The following TEX46 variants were observed in gnomAD, a reference collection of about 807,000 sequenced individuals.
TEX46 encodes the protein testis-expressed protein 46.
In TEX46, 6 loss-of-function variants were observed where a neutral mutation model predicts 5.3. The ratio of observed to expected loss-of-function variants is 1.13; its 90% CI spans 0.62 to 2.23. The LOEUF is 2.23. Among genes scored for constraint, TEX46 ranks in the 30% most tolerant of loss-of-function variants. TEX46 has a pLI of 0.00. For synonymous variants in TEX46, 41 were observed against 54.6 expected, an observed-to-expected ratio of 0.75 and a Z score of 1.10; for missense variants, 131 against 150.9, an observed-to-expected ratio of 0.87 and a Z score of 0.69.
At chr1:23,011,688 G>T (rs1641353332) in intron 2 of TEX46, among the ~76,000 whole-genome samples, 1 of 152,216 alleles carries the variant, frequency 6.6e-6, no homozygotes, top group Admixed American at 6.5e-5. Flanking sequence ...GCCTCCCAAG[G>T]TGCTGGGATT....
chr1:23,011,235 G>A, intron 2 of TEX46, 134 bp from the exon 3 acceptor site: 1 of 647,692 alleles, frequency 1.5e-6, no homozygotes, highest in South Asian at 1.9e-5. Context: ...AAAGGGGAAA[G>A]TTGGTTAATA....
rs961108533 is a variant in TEX46, at chr1:23,010,839, T to C, written c.*62A>G. On this transcript the variant is annotated 3_prime_UTR_variant, in exon 3 of 3. Transcript: ENST00000566855. ...GACTTACTATGAACATTCAATAGGC[T>C]GTGACTGGGTTTTACTGAGGTAAAA... 3.4e-5 allele frequency: 43 copies of C among 1,283,520 alleles called. No homozygotes were observed. Among genetic ancestry groups the C allele is most frequent in the Non-Finnish European group, 4.2e-5 (39 of 933,746 alleles). The allele number at this position is 1,283,520 out of a possible 1,614,324, so 79.5% of individuals were successfully genotyped here. A position where few individuals can be genotyped will look rare whatever the true frequency, so the allele number is the denominator to read the frequency against.
chr1:23,015,243 C>G (rs575503380), intron 1 of TEX46, among the ~76,000 whole-genome samples: 1 of 150,662 alleles, frequency 6.6e-6, no homozygotes, highest in Non-Finnish European at 1.5e-5. Context: ...CCAGACCAGA[C>G]TGGCCAACAT....
In TEX46 at chr1:23,014,061, A is replaced by C; in HGVS notation, c.3-16T>G. The C allele has an allele frequency of 1.3e-6, 2 of 1,534,302 alleles. No individual in the cohort carries two copies. Among genetic ancestry groups the C allele is most frequent in the South Asian group, 2.4e-5 (2 of 83,844 alleles). On this transcript the variant is annotated splice_polypyrimidine_tract_variant and intron_variant, in intron 1 of 2. Coordinates refer to ENST00000566855, the MANE Select transcript of TEX46 (RefSeq NM_001242521.2). Reference sequence around the variant, plus strand: ...ATGGAGACTCCTAAAGAGAAATATCAGTTCTGCCAGCATTATGGCGTGGAG... The same window carrying C: ...ATGGAGACTCCTAAAGAGAAATATCCGTTCTGCCAGCATTATGGCGTGGAG...
At chr1:23,014,200 A>C in intron 1 of TEX46, 155 bp from the exon 2 acceptor site, 1 of 1,313,478 alleles carries the variant, frequency 7.6e-7, no homozygotes, top group Non-Finnish European at 9.9e-7. Context: ...CATAACAATA[A>C]TAATAACTCC....
chr1:23,013,726 C>G (rs1641383275), intron 2 of TEX46, among the ~76,000 whole-genome samples, 157 bp downstream of exon 2: 1 of 151,960 alleles, frequency 6.6e-6, no homozygotes, highest in East Asian at 1.9e-4. Flanking sequence ...TTACCCAGCA[C>G]CACCTAAGAG....
chr1:23,014,088 C>A (rs1447488006), intron 1 of TEX46, 43 bp from the exon 2 acceptor site: 2 of 1,523,782 alleles, frequency 1.3e-6, no homozygotes, highest in South Asian at 2.4e-5. Context: ...GGCGTGGAGG[C>A]ACACAGGCCC....
chr1:23,013,533 C>A (rs1367479999), intron 2 of TEX46, among the ~76,000 whole-genome samples: 1 of 152,160 alleles, frequency 6.6e-6, no homozygotes, highest in Admixed American at 6.5e-5. Flanking sequence ...CTGCTGTCTT[C>A]ATTATTCTAT....
rs75846551 is a variant in TEX46 at position 23,011,129 on chromosome 1, A to G, written c.166-28T>C. On this transcript the variant is annotated intron_variant, in intron 2 of 2. Transcript: ENST00000566855. ...GGAGGGCAAAGCAGGCATGCGTTCT[A>G]TTGACTTCTTTTGTGTTCACGGCCT... The G allele has an allele frequency of 2.1e-3, 3,172 of 1,519,494 alleles. 66 individuals are homozygous for G. In the African/African-American group the frequency reaches 0.04, roughly 19 times the overall value. The allele number at this position is 1,519,494 out of a possible 1,614,324, so 94.1% of individuals were successfully genotyped here.
chr1:23,012,210 G>A (rs185183705), intron 2 of TEX46, among the ~76,000 whole-genome samples: 285 of 152,032 alleles, frequency 1.9e-3, no homozygotes, highest in Middle Eastern at 6.8e-3. Flanking sequence ...AATTAGCCCT[G>A]TGCACACCTG....
intron 1 of TEX46, among the ~76,000 whole-genome samples, chr1:23,014,373 C>A (rs1022969175): frequency 1.3e-5 from 2 of 152,010 alleles, no homozygotes; most frequent in African/African-American, 2.4e-5. Context: ...AATACAGAGC[C>A]CCTACCATCA....
intron 1 of TEX46, among the ~76,000 whole-genome samples, chr1:23,014,999 C>T (rs1433402825): frequency 6.6e-6 from 1 of 151,986 alleles, no homozygotes; most frequent in Non-Finnish European, 1.5e-5. Flanking sequence ...CGCACCACCA[C>T]ACCCACCTAA....
At chr1:23,013,323 T>C (rs1641377611) in intron 2 of TEX46, among the ~76,000 whole-genome samples, 1 of 152,012 alleles carries the variant, frequency 6.6e-6, no homozygotes, top group African/African-American at 2.4e-5. Flanking sequence ...CAGGTGTGTG[T>C]CACCACACCC....
chr1:23,012,130 G>A (rs548055487), intron 2 of TEX46, among the ~76,000 whole-genome samples: 5 of 151,942 alleles, frequency 3.3e-5, no homozygotes, highest in Admixed American at 6.6e-5. Flanking sequence ...CAGGAGGATC[G>A]CTTGAGCCCA....
intron 2 of TEX46, 63 bp from the exon 3 acceptor site, chr1:23,011,164 T>TG (rs1219560348): frequency 1.5e-6 from 2 of 1,350,458 alleles, no homozygotes; most frequent in Non-Finnish European, 2.0e-6. Context: ...TTGCTGTTCT[T>TG]GGAGTCGTTT....
chr1:23,015,308 C>T (rs568368537), intron 1 of TEX46, among the ~76,000 whole-genome samples: 24 of 151,374 alleles, frequency 1.6e-4, no homozygotes, highest in Admixed American at 2.6e-4. Context: ...TGGTTGCGGG[C>T]GCCTGTCATC....
In TEX46 at chr1:23,014,060, C is replaced by T. The variant is rs932312089; in HGVS notation, c.3-15G>A. The stretch of plus-strand genomic sequence containing the variant: ...CATGGAGACTCCTAAAGAGAAATAT[C>T]AGTTCTGCCAGCATTATGGCGTGGA... On this transcript the variant is annotated splice_polypyrimidine_tract_variant and intron_variant, in intron 1 of 2. Coordinates refer to ENST00000566855, the MANE Select transcript of TEX46 (RefSeq NM_001242521.2). The T allele has an allele frequency of 7.8e-6, 12 of 1,534,296 alleles. No homozygotes were observed. Among genetic ancestry groups the T allele is most frequent in the African/African-American group, 4.1e-5 (3 of 73,004 alleles).
At chr1:23,015,008 A>C (rs1394019931) in intron 1 of TEX46, among the ~76,000 whole-genome samples, 2 of 151,644 alleles carry the variant, frequency 1.3e-5, no homozygotes, top group Non-Finnish European at 2.9e-5. Context: ...ACACCCACCT[A>C]ATTTTTGTAT....
intron 1 of TEX46, among the ~76,000 whole-genome samples, chr1:23,014,668 C>A (rs552380632): frequency 2.2e-4 from 34 of 151,762 alleles, no homozygotes; most frequent in Non-Finnish European, 4.9e-4. Flanking sequence ...ATCCTCCTGC[C>A]TCAGCCTCCT....
Sources: allele counts gnomAD v4.1 joint callset (sites outside exome capture counted in the v4.1 genomes callset), GRCh38; gene constraint gnomAD v4.1.1; transcripts MANE v1.5; gene names NCBI Gene and HGNC (gene_info 2026-07-23, HGNC 2026-07-21).